Variants in PIP4K2A observed in about 807,000 individuals in gnomAD.
The protein encoded by PIP4K2A is phosphatidylinositol-5-phosphate 4-kinase type 2 alpha.
A neutral mutation model predicts 42.9 loss-of-function variants in PIP4K2A; 14 were observed. That is an observed-to-expected ratio of 0.33 (90% CI 0.22 to 0.51). PIP4K2A has a LOEUF of 0.51. PIP4K2A is among the 20% of genes least tolerant of loss of function. PIP4K2A has a pLI of 0.97. For missense variants in PIP4K2A, 434 were observed against 519.8 expected, an observed-to-expected ratio of 0.83 and a Z score of 1.61; for synonymous variants, 192 against 192.2, an observed-to-expected ratio of 1.00 and a Z score of 0.01.
rs1254813211 is a variant in PIP4K2A, at chr10:22,641,025, C to CCTTA, written c.145-31312_145-31309dup. 2.0e-5 allele frequency among the ~76,000 whole-genome samples: 3 copies of CCTTA among 152,178 alleles called. No individual in the cohort carries two copies. In the East Asian group the frequency reaches 5.8e-4, roughly 29 times the overall value. On this transcript the variant is annotated intron_variant, in intron 1 of 9. Coordinates refer to ENST00000376573, the MANE Select transcript of PIP4K2A (RefSeq NM_005028.5). ...TAATGCCTCCAATTACATTATCAAG[C>CCTTA]CTTATCAGCTCAACAAATGGTAATA... is the stretch of plus-strand genomic sequence containing the variant.
rs1554807162 is a variant in PIP4K2A, at chr10:22,664,048, C to CATAT, written c.144+50131_144+50134dup. 2.4e-3 allele frequency among the ~76,000 whole-genome samples: 184 copies of CATAT among 76,792 alleles called. 14 individuals are homozygous for CATAT. Among genetic ancestry groups the CATAT allele is most frequent in the African/African-American group, 0.019 (179 of 9,418 alleles). The allele number at this position is 76,792 out of a possible 152,430, so 50.4% of individuals were successfully genotyped here. A position where few individuals can be genotyped will look rare whatever the true frequency, so the allele number is the denominator to read the frequency against. On this transcript the variant is annotated intron_variant, in intron 1 of 9. Coordinates refer to ENST00000376573, the MANE Select transcript of PIP4K2A (RefSeq NM_005028.5). ...ATATATATACATATATATATATATA[C>CATAT]ATATGTATATATACATATATATATA...
chr10:22,596,801 C>T (rs1265365321), intron 3 of PIP4K2A, among the ~76,000 whole-genome samples: 2 of 152,234 alleles, frequency 1.3e-5, no homozygotes, highest in African/African-American at 4.8e-5. Flanking sequence ...ATGACTTGCC[C>T]AACTCAGTTC....
At chr10:22,562,483 A>G (rs1284685004) in intron 6 of PIP4K2A, among the ~76,000 whole-genome samples, 1 of 152,206 alleles carries the variant, frequency 6.6e-6, no homozygotes, top group Non-Finnish European at 1.5e-5. Flanking sequence ...CAGGAGGCGG[A>G]GCTTGCAGTG....
intron 1 of PIP4K2A, among the ~76,000 whole-genome samples, chr10:22,640,909 G>C (rs1838771037): frequency 6.6e-6 from 1 of 151,770 alleles, no homozygotes; most frequent in South Asian, 2.1e-4. Flanking sequence ...GAAAATAACA[G>C]GCAAAAAAGT....
intron 1 of PIP4K2A, among the ~76,000 whole-genome samples, chr10:22,641,630 T>C (rs557361392): frequency 1.3e-5 from 2 of 151,432 alleles, no homozygotes; most frequent in Admixed American, 1.3e-4. Context: ...AAAAAAAAAT[T>C]TTGTAGAGAT....
At chr10:22,680,386 A>G (rs1284493053) in intron 1 of PIP4K2A, among the ~76,000 whole-genome samples, 1 of 152,186 alleles carries the variant, frequency 6.6e-6, no homozygotes. Flanking sequence ...AGAATTTTCT[A>G]TCCTTTTCTA....
intron 1 of PIP4K2A, among the ~76,000 whole-genome samples, chr10:22,690,195 G>A (rs1324775929): frequency 6.6e-6 from 1 of 152,172 alleles, no homozygotes; most frequent in East Asian, 1.9e-4. Context: ...TTTTGGAGTA[G>A]AGGTTGGGGG....
intron 1 of PIP4K2A, among the ~76,000 whole-genome samples, chr10:22,681,723 C>T (rs901306051): frequency 4.0e-5 from 6 of 151,338 alleles, no homozygotes; most frequent in African/African-American, 7.3e-5. Flanking sequence ...AAAAATAAAA[C>T]GCAGGAAAAG....
chr10:22,705,797 G>A (rs935415868), intron 1 of PIP4K2A, among the ~76,000 whole-genome samples: 22 of 151,680 alleles, frequency 1.5e-4, no homozygotes, highest in Non-Finnish European at 2.4e-4. Flanking sequence ...GCCCGCTGTC[G>A]GACCCTCAGC....
intron 1 of PIP4K2A, among the ~76,000 whole-genome samples, chr10:22,653,816 G>A (rs1839040952): frequency 6.6e-6 from 1 of 152,210 alleles, no homozygotes; most frequent in Admixed American, 6.5e-5. Context: ...GGAGGTTGCA[G>A]TGAGCCAAGA....
intron 1 of PIP4K2A, among the ~76,000 whole-genome samples, chr10:22,690,104 A>C (rs1033106426): frequency 6.6e-6 from 1 of 152,352 alleles, no homozygotes; most frequent in East Asian, 1.9e-4. Context: ...TCATAACAAT[A>C]ATAAATAACA....
In PIP4K2A at chr10:22,541,830, T is replaced by G; in HGVS notation, c.1010A>C (p.Asp337Ala). 6.4e-7 allele frequency: 1 copy of G among 1,571,722 alleles called. No individual in the cohort carries two copies. The highest frequency in any genetic ancestry group is 8.6e-7 in the Non-Finnish European group (1 of 1,160,684). ...TTCATGGCACTTAATTCCATAGACG[T>G]CGATGTTCGGATCGAACTCCCCGGG... Reference protein sequence around the residue: ...LAPGEFDPNIDVYGIKCHENS... With the variant: ...LAPGEFDPNIAVYGIKCHENS... The change falls in exon 8 of 10, where the codon GAC becomes GCC. Residue 337 changes from aspartate to alanine, a missense_variant. Asp to Ala is a moderately radical substitution (Grantham distance 126). Coordinates refer to ENST00000376573, the MANE Select transcript of PIP4K2A (RefSeq NM_005028.5).
chr10:22,573,528 T>TA (rs1837039427), intron 4 of PIP4K2A, 71 bp from the exon 5 acceptor site: 1 of 1,342,726 alleles, frequency 7.4e-7, no homozygotes, highest in Non-Finnish European at 1.0e-6. Flanking sequence ...GTAAAATACA[T>TA]ACGCCTATGG....
chr10:22,625,062 T>C (rs1025825325), intron 1 of PIP4K2A, among the ~76,000 whole-genome samples: 6 of 152,224 alleles, frequency 3.9e-5, no homozygotes, highest in African/African-American at 1.4e-4. Flanking sequence ...CTAAAAACCT[T>C]TGTATAACTG....
intron 4 of PIP4K2A, among the ~76,000 whole-genome samples, chr10:22,587,181 C>A (rs1453907925): frequency 2.6e-5 from 4 of 152,078 alleles, no homozygotes; most frequent in Non-Finnish European, 5.9e-5. Flanking sequence ...TTTTAACCCT[C>A]CAGAATATAA....
At position 22,705,018 on chromosome 10, in the gene PIP4K2A, G is replaced by A. The variant is rs569778173; in HGVS notation, c.144+9165C>T. On this transcript the variant is annotated intron_variant, in intron 1 of 9. Transcript: ENST00000376573. ...CAGCTGTCCAAAATTTAGATGGGAT[G>A]GTGGGAAGAGTGGAAGCTGACGGCT... Among the ~76,000 whole-genome samples the A allele has an allele frequency of 2.6e-5, 4 of 152,246 alleles. No homozygotes were observed. In the East Asian group the frequency reaches 7.7e-4, roughly 29 times the overall value.
intron 1 of PIP4K2A, among the ~76,000 whole-genome samples, chr10:22,631,629 A>C (rs1283508996): frequency 6.6e-6 from 1 of 152,192 alleles, no homozygotes; most frequent in Non-Finnish European, 1.5e-5. Flanking sequence ...AGAATCTATG[A>C]TTTCACGTTC....
chr10:22,546,012 G>A (rs1037491030), intron 7 of PIP4K2A, among the ~76,000 whole-genome samples: 1 of 152,092 alleles, frequency 6.6e-6, no homozygotes, highest in African/African-American at 2.4e-5. Context: ...TGAGACTGAG[G>A]TAGAAATGGG....
intron 1 of PIP4K2A, among the ~76,000 whole-genome samples, chr10:22,711,192 C>T (rs1222170728): frequency 1.3e-5 from 2 of 152,170 alleles, no homozygotes; most frequent in African/African-American, 4.8e-5. Context: ...GGCTTACTCC[C>T]GACTATGACC....
Sources: allele counts gnomAD v4.1 joint callset (sites outside exome capture counted in the v4.1 genomes callset), GRCh38; gene constraint gnomAD v4.1.1; transcripts MANE v1.5; gene names NCBI Gene and HGNC (gene_info 2026-07-23, HGNC 2026-07-21).